PCDH9: variants seen among roughly 807,000 people sequenced by gnomAD.
The protein encoded by PCDH9 is protocadherin-9.
A neutral mutation model predicts 70.6 loss-of-function variants in PCDH9; 24 were observed. That is an observed-to-expected ratio of 0.34 (90% CI 0.25 to 0.48). The LOEUF (loss-of-function observed/expected upper bound fraction) is 0.48, where lower values mean the gene tolerates loss of function less well. Ranked by LOEUF, PCDH9 falls within the 20% of genes least tolerant of loss-of-function variation. The probability of loss-of-function intolerance (pLI) is 0.99; values close to 1 mark genes in which losing one functional copy is unlikely to be tolerated. For synonymous variants in PCDH9, 562 were observed against 558.5 expected (o/e 1.01, Z -0.09); for missense variants, 1,281 against 1,503.6 (o/e 0.85, Z 2.45).
intron 4 of PCDH9, among the ~76,000 whole-genome samples, chr13:66,341,165 C>G (rs987325238): frequency 6.6e-6 from 1 of 152,030 alleles, no homozygotes; most frequent in African/African-American, 2.4e-5. Flanking sequence ...ACTCATGACT[C>G]ACTGAAGCCT....
At chr13:66,409,439 G>C (rs1409387801) in intron 4 of PCDH9, among the ~76,000 whole-genome samples, 1 of 152,054 alleles carries the variant, frequency 6.6e-6, no homozygotes, top group African/African-American at 2.4e-5. Context: ...CATTGCAAAG[G>C]TAGCAAACTC....
At chr13:67,145,741 C>T (rs1040724854) in intron 2 of PCDH9, among the ~76,000 whole-genome samples, 19 of 151,728 alleles carry the variant, frequency 1.3e-4, no homozygotes, top group African/African-American at 4.4e-4. Context: ...GCAAATTACT[C>T]CTAGATGGTT....
intron 4 of PCDH9, among the ~76,000 whole-genome samples, chr13:66,361,601 G>C (rs1157048073): frequency 6.6e-6 from 1 of 151,888 alleles, no homozygotes; most frequent in East Asian, 1.9e-4. Flanking sequence ...TCGAAATTGA[G>C]CTCCTGAAAT....
At chr13:67,130,956 G>A (rs2087099419) in intron 2 of PCDH9, among the ~76,000 whole-genome samples, 1 of 152,098 alleles carries the variant, frequency 6.6e-6, no homozygotes. Context: ...CCTAACAGGT[G>A]TACTGCTTAA....
At chr13:66,676,443 G>T (rs1051899394) in intron 3 of PCDH9, among the ~76,000 whole-genome samples, 1 of 151,996 alleles carries the variant, frequency 6.6e-6, no homozygotes, top group Non-Finnish European at 1.5e-5. Flanking sequence ...ACACTGCAAA[G>T]ATATGAGGAA....
At chr13:66,940,540 G>A (rs956075690) in intron 2 of PCDH9, among the ~76,000 whole-genome samples, 1 of 151,984 alleles carries the variant, frequency 6.6e-6, no homozygotes, top group Non-Finnish European at 1.5e-5. Context: ...TTATTCAAAT[G>A]AATTTGTGTA....
chr13:66,969,172 C>T (rs572420077), intron 2 of PCDH9, among the ~76,000 whole-genome samples: 5 of 151,982 alleles, frequency 3.3e-5, no homozygotes, highest in South Asian at 4.2e-4. Context: ...CTGTGAATAC[C>T]GCTTAGTGAT....
chr13:66,625,455 A>G (rs2077485466), intron 4 of PCDH9, among the ~76,000 whole-genome samples: 1 of 152,166 alleles, frequency 6.6e-6, no homozygotes. Flanking sequence ...CCACTTGGCA[A>G]AAAAGAAATA....
At chr13:66,911,358 A>G (rs113649780) in intron 2 of PCDH9, among the ~76,000 whole-genome samples, 1 of 152,196 alleles carries the variant, frequency 6.6e-6, no homozygotes, top group African/African-American at 2.4e-5. Flanking sequence ...AAATTCCTTC[A>G]TAAGTAATTA....
chr13:66,500,072 T>C (rs562690412), intron 4 of PCDH9, among the ~76,000 whole-genome samples: 1 of 152,354 alleles, frequency 6.6e-6, no homozygotes, highest in Non-Finnish European at 1.5e-5. Context: ...GGTATTCCTT[T>C]ATAGCGATGC....
chr13:66,378,600 T>A (rs1956790527), intron 4 of PCDH9, among the ~76,000 whole-genome samples: 1 of 152,228 alleles, frequency 6.6e-6, no homozygotes, highest in South Asian at 2.1e-4. Flanking sequence ...TTTCTTCACC[T>A]AGACCTGAGT....
At chr13:67,140,610 G>C (rs2087358081) in intron 2 of PCDH9, among the ~76,000 whole-genome samples, 1 of 152,100 alleles carries the variant, frequency 6.6e-6, no homozygotes, top group Non-Finnish European at 1.5e-5. Context: ...CACCCACAAA[G>C]ATCCTGATTT....
chr13:66,304,675 G>A lies in PCDH9; in HGVS notation c.3694C>T (p.Pro1232Ser), dbSNP rs1056768671. 1 of 1,612,070 alleles carries A rather than the reference G, an allele frequency of 6.2e-7. No individual in the cohort carries two copies. The change falls in exon 5 of 5, where the codon CCT (proline) becomes TCT (serine). Residue 1232 changes from proline to serine, a missense_variant. By Grantham distance (74) the Pro-to-Ser change is moderately conservative (BLOSUM62 -1). This residue lies in a region of PCDH9 where 264 missense variants were observed against 278.8 expected (regional missense o/e 0.95). Coordinates refer to ENST00000377865, the MANE Select transcript of PCDH9 (RefSeq NM_203487.3). ...YKQAGGATES[P>S]KEHQL The stretch of plus-strand genomic sequence containing the variant: ...TTTTCTTAGAGTTGGTGCTCCTTAG[G>A]ACTCTCAGTAGCACCTCCTGCTTGC...
At chr13:66,669,866 G>A (rs1324340050) in intron 3 of PCDH9, among the ~76,000 whole-genome samples, 1 of 152,042 alleles carries the variant, frequency 6.6e-6, no homozygotes, top group Non-Finnish European at 1.5e-5. Context: ...TTTAACAAAT[G>A]TGTTTTAATA....
At chr13:66,744,399 G>C (rs1451602948) in intron 3 of PCDH9, among the ~76,000 whole-genome samples, 3 of 152,118 alleles carry the variant, frequency 2.0e-5, no homozygotes, top group Non-Finnish European at 4.4e-5. Flanking sequence ...AAGGTTATCA[G>C]TGTTATCAGT....
chr13:67,143,882 G>C (rs191760921), intron 2 of PCDH9, among the ~76,000 whole-genome samples: 8 of 152,228 alleles, frequency 5.3e-5, no homozygotes, highest in Non-Finnish European at 4.4e-5. Context: ...ACGATGAAAG[G>C]GAAACTGAAG....
At chr13:66,476,474 C>A (rs1044322370) in intron 4 of PCDH9, among the ~76,000 whole-genome samples, 1 of 151,868 alleles carries the variant, frequency 6.6e-6, no homozygotes, top group Non-Finnish European at 1.5e-5. Flanking sequence ...GATTTGCAAT[C>A]CTAATTAACT....
At chr13:66,595,047 A>T (rs1261392004) in intron 4 of PCDH9, among the ~76,000 whole-genome samples, 2 of 151,452 alleles carry the variant, frequency 1.3e-5, no homozygotes, top group Non-Finnish European at 3.0e-5. Context: ...TCTCTAAAAT[A>T]AGTGCACACA....
chr13:66,642,607 C>G (rs9529108), intron 3 of PCDH9, among the ~76,000 whole-genome samples: 69,004 of 151,734 alleles, frequency 0.45, 16,668 homozygotes, highest in East Asian at 0.61. Context: ...TTATACGACA[C>G]AGCCTCAAGG....
Sources: allele counts gnomAD v4.1 joint callset (sites outside exome capture counted in the v4.1 genomes callset), GRCh38; gene constraint gnomAD v4.1.1; regional missense constraint gnomAD v4.1.1; transcripts MANE v1.5; gene names NCBI Gene and HGNC (gene_info 2026-07-23, HGNC 2026-07-21).